The following SEMA5A variants were observed in gnomAD, a reference collection of about 807,000 sequenced individuals.
The protein encoded by SEMA5A is semaphorin 5A, also known as semaphorin-5A.
In SEMA5A, 55 loss-of-function variants were observed where a neutral mutation model predicts 135.5. The ratio of observed to expected loss-of-function variants is 0.41; its 90% CI spans 0.33 to 0.51. SEMA5A has a LOEUF of 0.51. Ranked by LOEUF, SEMA5A falls within the 20% of genes least tolerant of loss-of-function variation. The probability of loss-of-function intolerance (pLI) is 0.37; values close to 1 mark genes in which losing one functional copy is unlikely to be tolerated. For missense variants in SEMA5A, 1,290 were observed against 1,419.9 expected (o/e 0.91, Z 1.47); for synonymous variants, 580 against 546.5 (o/e 1.06, Z -0.85).
At chr5:9,116,570 C>T (rs1740525675) in intron 15 of SEMA5A, among the ~76,000 whole-genome samples, 1 of 152,190 alleles carries the variant, frequency 6.6e-6, no homozygotes, top group Non-Finnish European at 1.5e-5. Context: ...TAATTCCACA[C>T]ACTGGAGATG....
Position 9,042,743 on chromosome 5 carries a change from G to C in SEMA5A, c.*154C>G, listed in dbSNP as rs917991782. ...TTCAATTTTTGTTGCTTTTAAAGAC[G>C]TGTATTTTTGGCAGCAATGGGACAC... is the stretch of plus-strand genomic sequence containing the variant. On this transcript the variant is annotated 3_prime_UTR_variant, in exon 23 of 23. Transcript: ENST00000382496. The C allele has an allele frequency of 1.3e-6, 1 of 788,022 alleles. No homozygotes were observed. Among genetic ancestry groups the C allele is most frequent in the Non-Finnish European group, 2.0e-6 (1 of 495,556 alleles). 48.8% of individuals were successfully genotyped at this position (788,022 alleles called of 1,614,324 possible).
rs1369133818 is a variant in SEMA5A at position 9,449,770 on chromosome 5, C to T, written c.-174-11918G>A. Among the ~76,000 whole-genome samples the T allele has an allele frequency of 3.9e-5, 6 of 152,182 alleles. No individual in the cohort carries two copies. The Middle Eastern group carries it at 0.017, about 431-fold the overall frequency. ...AAGCCTCACCCAGATCTAGAAGATA[C>T]CACACACACAGAAGGTGCCTGGGTA... is the stretch of plus-strand genomic sequence containing the variant. On this transcript the variant is annotated intron_variant, in intron 1 of 22. Transcript: ENST00000382496.
At chr5:9,305,708 G>GTATATATATATATATATATATATA (rs146829804) in intron 5 of SEMA5A, among the ~76,000 whole-genome samples, 4 of 139,226 alleles carry the variant, frequency 2.9e-5, no homozygotes, top group African/African-American at 8.4e-5. Flanking sequence ...GTGTGTGTGC[G>GTATATATATATATATATATATATA]TATATATATA....
rs73036728 is a variant in SEMA5A, at chr5:9,450,076, G to A, written c.-174-12224C>T. On this transcript the variant is annotated intron_variant, in intron 1 of 22. Coordinates refer to ENST00000382496, the MANE Select transcript of SEMA5A (RefSeq NM_003966.3). The stretch of plus-strand genomic sequence containing the variant: ...ACAGACTTCCCTGTGCAAACATACC[G>A]ATGTCTCCCCTCTTCCTGTCCATTA... 9.3e-3 allele frequency among the ~76,000 whole-genome samples: 1,414 copies of A among 152,112 alleles called. 22 individuals carry two copies. Among genetic ancestry groups the A allele is most frequent in the African/African-American group, 0.032 (1,346 of 41,440 alleles).
At chr5:9,197,728 T>TTGTATGTG (rs778921009) in intron 9 of SEMA5A, among the ~76,000 whole-genome samples, 51 of 59,300 alleles carry the variant, frequency 8.6e-4, no homozygotes, top group African/African-American at 2.8e-3. Context: ...GGAAAGCTGT[T>TTGTATGTG]TGTGTGTGTG....
intron 18 of SEMA5A, among the ~76,000 whole-genome samples, chr5:9,054,965 A>T (rs182195706): frequency 3.9e-5 from 6 of 152,276 alleles, no homozygotes; most frequent in African/African-American, 1.4e-4. Flanking sequence ...GTTAGGCCGA[A>T]CTGGTTCCTT....
chr5:9,229,008 C>T (rs1018512693), intron 6 of SEMA5A, among the ~76,000 whole-genome samples: 1 of 152,146 alleles, frequency 6.6e-6, no homozygotes, highest in Non-Finnish European at 1.5e-5. Context: ...CCAGGCTGGT[C>T]TCGAACTCCT....
chr5:9,128,206 T>C (rs1269973439), intron 13 of SEMA5A, among the ~76,000 whole-genome samples: 2 of 152,218 alleles, frequency 1.3e-5, no homozygotes, highest in African/African-American at 2.4e-5. Flanking sequence ...CCGGCCATGC[T>C]TCTGAACCTC....
chr5:9,191,511 A>T (rs1006666680), intron 10 of SEMA5A, among the ~76,000 whole-genome samples: 3 of 152,232 alleles, frequency 2.0e-5, no homozygotes, highest in Non-Finnish European at 4.4e-5. Flanking sequence ...TTTGATGGAA[A>T]AGAATTTCCA....
intron 12 of SEMA5A, 131 bp from the exon 13 acceptor site, chr5:9,136,752 G>A: frequency 9.7e-6 from 7 of 720,444 alleles, no homozygotes; most frequent in East Asian, 2.5e-5. Flanking sequence ...GGGTATTTAG[G>A]CTGCACACTG....
intron 5 of SEMA5A, among the ~76,000 whole-genome samples, chr5:9,283,955 G>A (rs1398214592): frequency 2.0e-5 from 3 of 152,222 alleles, no homozygotes; most frequent in South Asian, 2.1e-4. Context: ...ACATCTCCAC[G>A]CATGTGATAC....
Position 9,149,484 on chromosome 5 carries a change from A to G in SEMA5A, c.1481+5004T>C, listed in dbSNP as rs148725384. ...CATGGTGAAACCCCGTCTCTACTAA[A>G]AATACAAAACTTAGCCAGACCTGGT... On this transcript the variant is annotated intron_variant, in intron 12 of 22. Transcript: ENST00000382496. Among the ~76,000 whole-genome samples, 529 of 152,286 alleles carry G rather than the reference A, an allele frequency of 3.5e-3. 2 individuals carry two copies. The highest frequency in any genetic ancestry group is 0.012 in the African/African-American group (515 of 41,540).
intron 12 of SEMA5A, among the ~76,000 whole-genome samples, chr5:9,154,107 ATGTGTG>A (rs1560968175): frequency 1.5e-5 from 1 of 68,144 alleles, no homozygotes; most frequent in Non-Finnish European, 3.0e-5. Context: ...GTGTGTGTGT[ATGTGTG>A]TGTATGTATG....
At position 9,226,870 on chromosome 5, in the gene SEMA5A, G is replaced by A. The variant is rs200596771; in HGVS notation, c.431C>T (p.Ser144Leu). The A allele has an allele frequency of 2.7e-5, 43 of 1,602,168 alleles. No individual in the cohort carries two copies. The highest frequency in any genetic ancestry group is 1.4e-4 in the Admixed American group (8 of 58,708). ...TTGAGGCACAAAAAGAAGCCATACC[G>A]AGCGGTTGGTGCAGACAGGCGTGAA... The part of the protein sequence containing the change: ...NAFTPVCTNR[S>L]LSNLTEIHDQ... Residue 144 changes from serine (S) to leucine (L), a missense_variant and splice_region_variant, in exon 7 of 23, where the codon TCG (serine) becomes TTG (leucine). Coordinates refer to ENST00000382496, the MANE Select transcript of SEMA5A (RefSeq NM_003966.3).
At chr5:9,465,734 C>A (rs985122088) in intron 1 of SEMA5A, among the ~76,000 whole-genome samples, 80 of 152,338 alleles carry the variant, frequency 5.3e-4, no homozygotes, top group African/African-American at 1.9e-3. Context: ...GTTCTTGGAA[C>A]CAATCCCCCA....
intron 1 of SEMA5A, chr5:9,517,129 A>G (rs1268308645): frequency 6.6e-6 from 1 of 152,228 alleles, no homozygotes; most frequent in East Asian, 1.9e-4. Context: ...TTTTCAAACT[A>G]AAACATGTCC....
chr5:9,201,321 G>T (rs1162835005), intron 9 of SEMA5A, among the ~76,000 whole-genome samples: 1 of 152,146 alleles, frequency 6.6e-6, no homozygotes, highest in African/African-American at 2.4e-5. Flanking sequence ...AACTTCATAA[G>T]CTTAAGACAG....
rs79777009 is a variant in SEMA5A at position 9,223,623 on chromosome 5, T to G, written c.646+1051A>C. Among the ~76,000 whole-genome samples, 1,224 of 152,316 alleles carry G rather than the reference T, an allele frequency of 8.0e-3. 15 individuals are homozygous for G. Among genetic ancestry groups the G allele is most frequent in the African/African-American group, 0.028 (1,173 of 41,576 alleles). Reference sequence around the variant, plus strand: ...TAGTGCTGAGGTTGAGAAACTCTGGTCTACATAATTAGCTGATATGTAGCA... The same window carrying G: ...TAGTGCTGAGGTTGAGAAACTCTGGGCTACATAATTAGCTGATATGTAGCA... On this transcript the variant is annotated intron_variant, in intron 8 of 22. Transcript: ENST00000382496.
intron 1 of SEMA5A, among the ~76,000 whole-genome samples, chr5:9,495,318 A>G (rs1735245274): frequency 6.6e-6 from 1 of 152,126 alleles, no homozygotes; most frequent in African/African-American, 2.4e-5. Context: ...CAAATTCAAG[A>G]GCTACCGTGA....
Sources: gnomAD v4.1 joint callset for allele counts (sites outside exome capture counted in the v4.1 genomes callset) on GRCh38, gnomAD v4.1.1 for gene constraint, MANE v1.5 for transcripts, NCBI Gene and HGNC (gene_info 2026-07-23, HGNC 2026-07-21) for gene names.